The following LRCH3 variants were observed in gnomAD, a reference collection of about 807,000 sequenced individuals.
The protein encoded by LRCH3 is leucine rich repeats and calponin homology domain containing 3.
A neutral mutation model predicts 104.5 loss-of-function variants in LRCH3; 68 were observed. The observed-to-expected ratio is 0.65, with a 90% CI of 0.54 to 0.80. The LOEUF (loss-of-function observed/expected upper bound fraction) is 0.80. Ranked by LOEUF, LRCH3 falls within the 30% of genes least tolerant of loss-of-function variation. The pLI, the probability that LRCH3 is intolerant of heterozygous loss-of-function variation, is 0.00. For synonymous variants in LRCH3, 344 were observed against 361.3 expected (o/e 0.95, Z 0.54); for missense variants, 951 against 953.9 (o/e 1.00, Z 0.04).
chr3:197,834,287 A>C lies in LRCH3; in HGVS notation c.1103-1387A>C, dbSNP rs1315374555. Among the ~76,000 whole-genome samples the C allele has an allele frequency of 2.0e-5, 3 of 152,242 alleles. No homozygotes were observed. The East Asian group carries it at 5.8e-4, about 29-fold the overall frequency. On this transcript the variant is annotated intron_variant, in intron 8 of 20. Transcript: ENST00000425562. ...TTAGCAGATGAACAAGATGTGGCTA[A>C]AAATAATTTATATACGTCTCCTCAC...
chr3:197,853,764 A>G (rs9862800), intron 13 of LRCH3, among the ~76,000 whole-genome samples: 7,529 of 152,242 alleles, frequency 0.049, 654 homozygotes, highest in African/African-American at 0.17. Context: ...AGAACATTAT[A>G]TATTTGTATA....
chr3:197,859,092 G>A (rs1740596903), intron 15 of LRCH3, 187 bp downstream of exon 15: 2 of 582,708 alleles, frequency 3.4e-6, no homozygotes, highest in Admixed American at 6.0e-5. Flanking sequence ...GCTAGAGATA[G>A]TCATAGAGCT....
intron 1 of LRCH3, among the ~76,000 whole-genome samples, chr3:197,806,961 C>G (rs1732558433): frequency 1.3e-5 from 2 of 151,366 alleles, no homozygotes; most frequent in Non-Finnish European, 1.5e-5. Flanking sequence ...ATCACTTGAG[C>G]CCAGGAGTTC....
rs1221679628 is a variant in LRCH3, at chr3:197,884,963, A to T, written c.*1297A>T. 6.6e-6 allele frequency: 1 copy of T among 152,226 alleles called. No homozygotes were observed. The highest frequency in any genetic ancestry group is 2.4e-5 in the African/African-American group (1 of 41,446). The allele number at this position is 152,226 out of a possible 1,614,324, so 9.4% of individuals were successfully genotyped here. ...AACAGATAGAGTTGTATTTAAGGTC[A>T]GTATTCTAGGCCTCCCTTCAACTGC... On this transcript the variant is annotated 3_prime_UTR_variant, in exon 21 of 21. Transcript: ENST00000425562.
chr3:197,875,270 T>C (rs142378404), intron 19 of LRCH3, among the ~76,000 whole-genome samples: 1 of 152,304 alleles, frequency 6.6e-6, no homozygotes, highest in East Asian at 1.9e-4. Flanking sequence ...ACATTTATTA[T>C]CTGATCCTTT....
intron 18 of LRCH3, 121 bp from the exon 19 acceptor site, chr3:197,871,204 G>A (rs1053632849): frequency 2.6e-6 from 2 of 768,878 alleles, no homozygotes; most frequent in Non-Finnish European, 4.3e-6. Context: ...GGATAAAATG[G>A]ATATTGTGGT....
At chr3:197,848,856 A>G (rs1326376030) in intron 12 of LRCH3, among the ~76,000 whole-genome samples, 1 of 152,172 alleles carries the variant, frequency 6.6e-6, no homozygotes, top group Non-Finnish European at 1.5e-5. Context: ...GTTTTACCTG[A>G]TAAACTCTTT....
At chr3:197,835,582 A>G in intron 8 of LRCH3, 92 bp from the exon 9 acceptor site, 3 of 1,314,546 alleles carry the variant, frequency 2.3e-6, no homozygotes, top group Admixed American at 3.2e-5. Flanking sequence ...CATGGGGAAA[A>G]GGAAATAAGT....
At position 197,791,347 on chromosome 3, in the gene LRCH3, T is replaced by C. The variant is rs947315100; in HGVS notation, c.69T>C (p.Gly23=). Residue 23 remains glycine (G), a synonymous_variant, in exon 1 of 21, where the codon GGT becomes GGC. Transcript: ENST00000425562. ...AEYSGTVASG[G]NLPGVHCGPS... ...ACTCTGGCACGGTAGCGTCGGGAGG[T>C]AACCTCCCTGGTGTTCACTGCGGCC... The C allele has an allele frequency of 6.2e-7, 1 of 1,605,332 alleles. No individual in the cohort carries two copies. The highest frequency in any genetic ancestry group is 1.3e-5 in the African/African-American group (1 of 74,396).
At chr3:197,850,143 T>C (rs1268207181) in intron 12 of LRCH3, among the ~76,000 whole-genome samples, 1 of 152,088 alleles carries the variant, frequency 6.6e-6, no homozygotes, top group Non-Finnish European at 1.5e-5. Context: ...CTTGTGTGAT[T>C]TGTAGATTTA....
chr3:197,879,486 A>T lies in LRCH3; in HGVS notation c.2208+3711A>T, dbSNP rs994756772. Among the ~76,000 whole-genome samples the T allele has an allele frequency of 2.6e-5, 4 of 151,180 alleles. No individual in the cohort carries two copies. The South Asian group carries it at 8.3e-4, about 31-fold the overall frequency. On this transcript the variant is annotated intron_variant, in intron 20 of 20. Coordinates refer to ENST00000425562, the MANE Select transcript of LRCH3 (RefSeq NM_001365715.1). Reference sequence around the variant, plus strand: ...ATGGTGAAACCCCGTCTCTACTAAAAATACAAAAAATTAGCCGGGCGTGGT... The same window carrying T: ...ATGGTGAAACCCCGTCTCTACTAAATATACAAAAAATTAGCCGGGCGTGGT...
Position 197,830,753 on chromosome 3 carries a change from G to C in LRCH3, c.888-17G>C. 6.3e-7 allele frequency: 1 copy of C among 1,594,112 alleles called. No homozygotes were observed. Among genetic ancestry groups the C allele is most frequent in the Middle Eastern group, 1.7e-4 (1 of 6,030 alleles). On this transcript the variant is annotated splice_polypyrimidine_tract_variant and intron_variant, in intron 6 of 20. Coordinates refer to ENST00000425562, the MANE Select transcript of LRCH3 (RefSeq NM_001365715.1). ...TAAAATAACAAACTTTGCAGTAACA[G>C]AGTCTCTTTTCGGCAGCCATGAAGA...
intron 17 of LRCH3, among the ~76,000 whole-genome samples, chr3:197,869,174 T>C (rs1336994423): frequency 6.6e-6 from 1 of 151,424 alleles, no homozygotes; most frequent in Non-Finnish European, 1.5e-5. Context: ...ATACTGTACT[T>C]GCAGGAAGTA....
At position 197,879,534 on chromosome 3, in the gene LRCH3, T is replaced by C. The variant is rs543957335; in HGVS notation, c.2208+3759T>C. 3.0e-3 allele frequency among the ~76,000 whole-genome samples: 461 copies of C among 151,628 alleles called. 2 individuals carry two copies. Among genetic ancestry groups the C allele is most frequent in the Middle Eastern group, 0.024 (7 of 294 alleles). On this transcript the variant is annotated intron_variant, in intron 20 of 20. Transcript: ENST00000425562. ...GGTGGCGGGCGCCTGTAGTCCCAGC[T>C]GCTCGGGAGGCTGAGGCGGGAGAAT...
intron 10 of LRCH3, among the ~76,000 whole-genome samples, chr3:197,844,868 C>T (rs149610342): frequency 9.2e-5 from 14 of 152,130 alleles, no homozygotes; most frequent in Admixed American, 6.6e-4. Context: ...GATCCGCCCG[C>T]CTCGGCCTCC....
chr3:197,881,656 A>G (rs1713781934), intron 20 of LRCH3: 2 of 985,372 alleles, frequency 2.0e-6, no homozygotes, highest in East Asian at 1.1e-4. Context: ...CTTAGCTGCT[A>G]GACGTTAATG....
rs376623079 is a variant in LRCH3, at chr3:197,797,893, A to AAAC, written c.262+6354_262+6355insACA. Among the ~76,000 whole-genome samples the AAAC allele has an allele frequency of 1.9e-4, 28 of 146,812 alleles. 1 individual carries two copies. The highest frequency in any genetic ancestry group is 6.1e-4 in the East Asian group (3 of 4,922). On this transcript the variant is annotated intron_variant, in intron 1 of 20. Transcript: ENST00000425562. ...AAAAAACAAAAAAAACAAAAAAAAA[A>AAAC]ACAAAACCAGAAAAATCCTAAAACC...
At chr3:197,857,686 G>A (rs1222567308) in intron 14 of LRCH3, among the ~76,000 whole-genome samples, 1 of 152,122 alleles carries the variant, frequency 6.6e-6, no homozygotes, top group Non-Finnish European at 1.5e-5. Flanking sequence ...TTTGACATTG[G>A]CAGTAGTTCC....
intron 14 of LRCH3, among the ~76,000 whole-genome samples, chr3:197,857,924 A>G (rs1263398786): frequency 6.6e-6 from 1 of 152,224 alleles, no homozygotes; most frequent in Non-Finnish European, 1.5e-5. Context: ...TTCATTGACC[A>G]TATACATACC....
Sources: gnomAD v4.1 joint callset for allele counts (sites outside exome capture counted in the v4.1 genomes callset) on GRCh38, gnomAD v4.1.1 for gene constraint, MANE v1.5 for transcripts, NCBI Gene and HGNC (gene_info 2026-07-23, HGNC 2026-07-21) for gene names.